IMMP2L: variants seen among roughly 807,000 people sequenced by gnomAD.
IMMP2L encodes mitochondrial inner membrane protease subunit 2.
In IMMP2L, 18 loss-of-function variants were observed where a neutral mutation model predicts 19.3. The ratio of observed to expected loss-of-function variants is 0.93; its 90% CI spans 0.64 to 1.38. The LOEUF (loss-of-function observed/expected upper bound fraction) is 1.38. Ranked by LOEUF, IMMP2L falls within the 40% of genes most tolerant of loss-of-function variation. IMMP2L has a pLI of 0.00. For missense variants in IMMP2L, 233 were observed against 218.2 expected, an observed-to-expected ratio of 1.07 and a Z score of -0.43; for synonymous variants, 76 against 73.0, an observed-to-expected ratio of 1.04 and a Z score of -0.21.
At chr7:110,859,513 C>T (rs1224298908) in intron 5 of IMMP2L, among the ~76,000 whole-genome samples, 1 of 151,646 alleles carries the variant, frequency 6.6e-6, no homozygotes, top group African/African-American at 2.4e-5. Context: ...GAGGCCGAGG[C>T]AGGCAGACTG....
At chr7:111,324,774 A>G (rs1484809993) in intron 3 of IMMP2L, among the ~76,000 whole-genome samples, 2 of 151,934 alleles carry the variant, frequency 1.3e-5, no homozygotes, top group Non-Finnish European at 1.5e-5. Flanking sequence ...ATGTATTTTT[A>G]GTTTTTAAAA....
intron 4 of IMMP2L, among the ~76,000 whole-genome samples, chr7:110,903,617 T>C (rs1037623695): frequency 1.3e-5 from 2 of 152,196 alleles, no homozygotes; most frequent in African/African-American, 4.8e-5. Context: ...TAGTATTCCA[T>C]TGTATGTCTA....
chr7:111,026,196 A>G (rs28712395), intron 3 of IMMP2L, among the ~76,000 whole-genome samples: 2 of 152,170 alleles, frequency 1.3e-5, no homozygotes, highest in Non-Finnish European at 2.9e-5. Flanking sequence ...ACTACATTGT[A>G]TAATTTTACC....
chr7:111,069,031 G>A (rs1450077844), intron 3 of IMMP2L, among the ~76,000 whole-genome samples: 1 of 151,974 alleles, frequency 6.6e-6, no homozygotes, highest in Non-Finnish European at 1.5e-5. Context: ...TGGTAATGTA[G>A]AATGGACACT....
At chr7:111,330,387 A>ATT (rs1825757303) in intron 3 of IMMP2L, among the ~76,000 whole-genome samples, 1 of 151,950 alleles carries the variant, frequency 6.6e-6, no homozygotes, top group East Asian at 1.9e-4. Context: ...TATAAATGGA[A>ATT]TTTCTGAAGA....
intron 3 of IMMP2L, among the ~76,000 whole-genome samples, chr7:111,422,505 T>G (rs1057028230): frequency 6.6e-6 from 1 of 151,850 alleles, no homozygotes; most frequent in Non-Finnish European, 1.5e-5. Context: ...AGATCATTCA[T>G]GATTTGGCTC....
chr7:111,156,866 T>TA (rs1180601547), intron 3 of IMMP2L, among the ~76,000 whole-genome samples: 2 of 151,936 alleles, frequency 1.3e-5, no homozygotes, highest in Admixed American at 6.6e-5. Context: ...TTTTTATTTA[T>TA]AGAGTTTATT....
intron 3 of IMMP2L, among the ~76,000 whole-genome samples, chr7:111,183,063 T>C (rs1394183666): frequency 6.6e-6 from 1 of 152,132 alleles, no homozygotes; most frequent in Non-Finnish European, 1.5e-5. Flanking sequence ...ATTAACTATT[T>C]ACAAATGTAT....
intron 5 of IMMP2L, among the ~76,000 whole-genome samples, chr7:110,872,769 G>A (rs1808660579): frequency 6.6e-6 from 1 of 152,152 alleles, no homozygotes; most frequent in Admixed American, 6.5e-5. Flanking sequence ...CTGGATGCAA[G>A]CTGACTCTCT....
intron 3 of IMMP2L, among the ~76,000 whole-genome samples, chr7:111,072,727 C>G (rs1425590936): frequency 6.6e-6 from 1 of 152,020 alleles, no homozygotes; most frequent in Non-Finnish European, 1.5e-5. Context: ...AATCCCATCT[C>G]TACTAAAAAT....
At position 110,666,045 on chromosome 7, in the gene IMMP2L, C is replaced by T. The variant is rs80121293; in HGVS notation, c.409-2324G>A. 3.5e-3 allele frequency among the ~76,000 whole-genome samples: 534 copies of T among 152,088 alleles called. 1 individual carries two copies. Among genetic ancestry groups the T allele is most frequent in the African/African-American group, 0.012 (502 of 41,512 alleles). ...GCCTCTATTGTAATATCAAGAAGTC[C>T]TTTTTTTAAGTCAAAATCTGTGACT... On this transcript the variant is annotated intron_variant, in intron 5 of 5. Coordinates refer to ENST00000405709, the MANE Select transcript of IMMP2L (RefSeq NM_032549.4).
At chr7:111,422,905 T>A (rs924318335) in intron 3 of IMMP2L, among the ~76,000 whole-genome samples, 6 of 151,888 alleles carry the variant, frequency 4.0e-5, no homozygotes, top group Admixed American at 3.3e-4. Context: ...AATACCTAGT[T>A]TATTGAAAGT....
chr7:110,839,634 TTTAA>T (rs1417314944), intron 5 of IMMP2L, among the ~76,000 whole-genome samples: 1 of 152,074 alleles, frequency 6.6e-6, no homozygotes, highest in Non-Finnish European at 1.5e-5. Context: ...GCACATATAT[TTTAA>T]TTAATATTAA....
chr7:111,466,816 C>T (rs142377236), intron 3 of IMMP2L, among the ~76,000 whole-genome samples: 2 of 152,036 alleles, frequency 1.3e-5, no homozygotes, highest in African/African-American at 4.8e-5. Context: ...CTAAAAAATA[C>T]AGTGTAACAA....
At chr7:111,033,050 G>A (rs1318056551) in intron 3 of IMMP2L, among the ~76,000 whole-genome samples, 2 of 152,170 alleles carry the variant, frequency 1.3e-5, no homozygotes, top group East Asian at 1.9e-4. Context: ...AACCTGGGAG[G>A]CAGAGGCTGC....
At chr7:111,124,005 T>C in intron 3 of IMMP2L, 1 of 1,614,076 alleles carries the variant, frequency 6.2e-7, no homozygotes, top group Non-Finnish European at 8.5e-7. Flanking sequence ...GGCAAGTGCA[T>C]TTCAGGGACA....
intron 3 of IMMP2L, among the ~76,000 whole-genome samples, chr7:111,285,359 G>A (rs1820370904): frequency 6.6e-6 from 1 of 152,056 alleles, no homozygotes; most frequent in East Asian, 1.9e-4. Context: ...ATGTTTCCTT[G>A]GGAAAGACCT....
Position 110,886,581 on chromosome 7 carries a change from A to C in IMMP2L, c.408+12T>G. Reference sequence around the variant, plus strand: ...TCCAATTACATCAACAAGAAGATAAAAGATGACTTACCGGCCCAAAAGAAT... The same window carrying C: ...TCCAATTACATCAACAAGAAGATAACAGATGACTTACCGGCCCAAAAGAAT... On this transcript the variant is annotated intron_variant, in intron 5 of 5. Coordinates refer to ENST00000405709, the MANE Select transcript of IMMP2L (RefSeq NM_032549.4). 6.8e-7 allele frequency: 1 copy of C among 1,465,594 alleles called. No individual in the cohort carries two copies. The highest frequency in any genetic ancestry group is 9.6e-7 in the Non-Finnish European group (1 of 1,045,026). 90.8% of individuals were successfully genotyped at this position (1,465,594 alleles called of 1,614,324 possible).
chr7:110,702,318 T>A (rs1794341549), intron 5 of IMMP2L, among the ~76,000 whole-genome samples: 1 of 152,186 alleles, frequency 6.6e-6, no homozygotes, highest in Admixed American at 6.5e-5. Context: ...TTGGCTCATA[T>A]ATTATTTGGC....
Sources: allele counts gnomAD v4.1 joint callset (sites outside exome capture counted in the v4.1 genomes callset), GRCh38; gene constraint gnomAD v4.1.1; transcripts MANE v1.5; gene names NCBI Gene and HGNC (gene_info 2026-07-23, HGNC 2026-07-21).